Variants in COL4A2 observed in about 807,000 individuals in gnomAD.
COL4A2 encodes the protein collagen type IV alpha 2 chain, also known as collagen alpha-2(IV) chain.
A neutral mutation model predicts 200.2 loss-of-function variants in COL4A2; 99 were observed. The ratio of observed to expected loss-of-function variants is 0.49; its 90% CI spans 0.42 to 0.58. The LOEUF is 0.58. COL4A2 is among the 20% of genes least tolerant of loss of function. COL4A2 has a pLI of 0.00. For synonymous variants in COL4A2, 897 were observed against 900.6 expected (o/e 1.00, Z 0.07); for missense variants, 1,950 against 2,314.1 (o/e 0.84, Z 3.23).
chr13:110,417,016 C>T (rs556313733), intron 4 of COL4A2, among the ~76,000 whole-genome samples: 1 of 149,868 alleles, frequency 6.7e-6, no homozygotes, highest in South Asian at 2.1e-4. Flanking sequence ...GAGTCTCACT[C>T]TGTTGCCAGG....
chr13:110,317,693 C>A (rs1011667077), intron 3 of COL4A2, among the ~76,000 whole-genome samples: 2 of 152,180 alleles, frequency 1.3e-5, no homozygotes, highest in African/African-American at 4.8e-5. Context: ...AGACACAACC[C>A]CCAACCGGCC....
chr13:110,491,715 T>TTGC (rs1291498045), intron 37 of COL4A2, among the ~76,000 whole-genome samples: 4 of 152,196 alleles, frequency 2.6e-5, no homozygotes, highest in African/African-American at 9.7e-5. Context: ...TCCCACGCTG[T>TTGC]TGCTGCTGCT....
At chr13:110,385,152 C>T (rs527637263) in intron 4 of COL4A2, among the ~76,000 whole-genome samples, 87 of 151,800 alleles carry the variant, frequency 5.7e-4, no homozygotes, top group Middle Eastern at 3.4e-3. Context: ...GTCCCAGCCA[C>T]TTGGGAGGCT....
At chr13:110,324,170 A>G (rs1235314319) in intron 3 of COL4A2, among the ~76,000 whole-genome samples, 2 of 152,064 alleles carry the variant, frequency 1.3e-5, no homozygotes, top group Admixed American at 6.5e-5. Flanking sequence ...TGAGCAGTCT[A>G]TGAGCTGAGC....
At chr13:110,484,001 T>G (rs1306338567) in intron 32 of COL4A2, among the ~76,000 whole-genome samples, 1 of 152,146 alleles carries the variant, frequency 6.6e-6, no homozygotes, top group East Asian at 1.9e-4. Flanking sequence ...AAATAAAAAT[T>G]GCAATCTAGG....
At chr13:110,414,148 C>T (rs35190216) in intron 4 of COL4A2, among the ~76,000 whole-genome samples, 20,797 of 152,110 alleles carry the variant, frequency 0.14, 1,714 homozygotes, top group Non-Finnish European at 0.19. Context: ...GCAGTCCAGC[C>T]GGGCAACAGC....
intron 4 of COL4A2, among the ~76,000 whole-genome samples, chr13:110,406,819 C>G (rs1594195795): frequency 6.6e-6 from 1 of 152,214 alleles, no homozygotes; most frequent in East Asian, 1.9e-4. Context: ...GTATATGTAT[C>G]CTTGGCAGCA....
rs117085663 is a variant in COL4A2 at position 110,411,081 on chromosome 13, C to T, written c.181-13653C>T. Among the ~76,000 whole-genome samples the T allele has an allele frequency of 3.5e-3, 539 of 152,308 alleles. No homozygotes were observed. The Middle Eastern group carries it at 0.044, about 12-fold the overall frequency. ...CAGGGACTTCTACCACCGTCTCCCA[C>T]GTCCCATCTCAGCTCCTATCTGTGG... On this transcript the variant is annotated intron_variant, in intron 4 of 47. Coordinates refer to ENST00000360467, the MANE Select transcript of COL4A2 (RefSeq NM_001846.4).
intron 3 of COL4A2, among the ~76,000 whole-genome samples, chr13:110,329,960 A>C (rs1323439290): frequency 6.6e-6 from 1 of 152,224 alleles, no homozygotes; most frequent in Non-Finnish European, 1.5e-5. Context: ...CATCTGTTTA[A>C]AGGACAAGAC....
intron 24 of COL4A2, among the ~76,000 whole-genome samples, chr13:110,462,729 A>G (rs1485247141): frequency 6.6e-6 from 1 of 152,170 alleles, no homozygotes; most frequent in African/African-American, 2.4e-5. Flanking sequence ...GAAATATACA[A>G]TTTCATTTTT....
At chr13:110,312,268 C>A (rs1443915737) in intron 3 of COL4A2, among the ~76,000 whole-genome samples, 1 of 152,066 alleles carries the variant, frequency 6.6e-6, no homozygotes, top group Non-Finnish European at 1.5e-5. Context: ...AGCAGCATCC[C>A]AGAAGGAGAG....
intron 20 of COL4A2, among the ~76,000 whole-genome samples, chr13:110,454,479 G>A (rs879658369): frequency 6.6e-6 from 1 of 152,072 alleles, no homozygotes; most frequent in Non-Finnish European, 1.5e-5. Flanking sequence ...CTCTACCTGC[G>A]ACACTGCACG....
chr13:110,308,628 T>C (rs1416425537), intron 3 of COL4A2, among the ~76,000 whole-genome samples: 2 of 152,028 alleles, frequency 1.3e-5, no homozygotes, highest in African/African-American at 4.8e-5. Context: ...AATTGAAGCA[T>C]TGCGAGGGAA....
intron 4 of COL4A2, among the ~76,000 whole-genome samples, chr13:110,358,942 G>T (rs111269272): frequency 5.9e-5 from 9 of 152,214 alleles, no homozygotes; most frequent in Admixed American, 2.0e-4. Context: ...ACGTGTGTTT[G>T]CATGTGTGTA....
In COL4A2 at chr13:110,460,048, CT is replaced by C; in HGVS notation, c.1596+1119del. Among the ~76,000 whole-genome samples the C allele has an allele frequency of 2.0e-5, 3 of 152,316 alleles. No homozygotes were observed. In the South Asian group the frequency reaches 6.2e-4, roughly 32 times the overall value. On this transcript the variant is annotated intron_variant, in intron 22 of 47. Coordinates refer to ENST00000360467, the MANE Select transcript of COL4A2 (RefSeq NM_001846.4). ...TTCAGATGTAGACAAAGAAAGTATA[CT>C]TTTTGTTGATTTTTTAACTTAAAAA...
At position 110,492,165 on chromosome 13, in the gene COL4A2, C is replaced by A; in HGVS notation, c.3550C>A (p.Pro1184Thr). The A allele has an allele frequency of 1.3e-6, 2 of 1,552,352 alleles. No individual in the cohort carries two copies. Among genetic ancestry groups the A allele is most frequent in the South Asian group, 2.4e-5 (2 of 84,112 alleles). ...AGGAGATGATGGCTGGCCGGGAGCT[C>A]CGGGCTTACCAGGTAAGGTCACGTA... ...GKGDDGWPGA[P>T]GLPGFPGLRG... The change falls in exon 38 of 48, where the codon CCG (proline) becomes ACG (threonine). Residue 1184 changes from proline to threonine, a missense_variant. Transcript: ENST00000360467.
rs560702287 is a variant in COL4A2 at position 110,512,659 on chromosome 13, T to G, written c.*468T>G. The G allele has an allele frequency of 2.4e-5, 4 of 170,022 alleles. No homozygotes were observed. The East Asian group carries it at 7.4e-4, about 31-fold the overall frequency. The allele number at this position is 170,022 out of a possible 1,614,324, so 10.5% of individuals were successfully genotyped here. On this transcript the variant is annotated 3_prime_UTR_variant, in exon 48 of 48. Coordinates refer to ENST00000360467, the MANE Select transcript of COL4A2 (RefSeq NM_001846.4). ...GCCCCGTGGGTGGGCCTGGCCCTGC[T>G]TTCTACGCCAATGTTATGCCAGCTC...
Position 110,460,130 on chromosome 13 carries a change from T to C in COL4A2, c.1596+1196T>C, listed in dbSNP as rs1043125835. Among the ~76,000 whole-genome samples the C allele has an allele frequency of 4.6e-5, 7 of 152,074 alleles. No homozygotes were observed. In the South Asian group the frequency reaches 8.3e-4, roughly 18 times the overall value. ...GTTCATTATTTAACATATTCAGCAA[T>C]AGAGGAAAAACAGTTGGTCAGGACA... On this transcript the variant is annotated intron_variant, in intron 22 of 47. Coordinates refer to ENST00000360467, the MANE Select transcript of COL4A2 (RefSeq NM_001846.4).
At chr13:110,446,894 A>C (rs1566537808) in intron 18 of COL4A2, 30 bp downstream of exon 18, 1 of 1,579,806 alleles carries the variant, frequency 6.3e-7, no homozygotes. Context: ...TGCATAGTTC[A>C]GCATCGCATA....
Sources: allele counts gnomAD v4.1 joint callset (sites outside exome capture counted in the v4.1 genomes callset), GRCh38; gene constraint gnomAD v4.1.1; transcripts MANE v1.5; gene names NCBI Gene and HGNC (gene_info 2026-07-23, HGNC 2026-07-21).